Variants in BRIP1 observed in about 807,000 individuals in gnomAD.
BRIP1 encodes Fanconi anemia group J protein.
In BRIP1, 88 loss-of-function variants were observed where a neutral mutation model predicts 119.7. The ratio of observed to expected loss-of-function variants is 0.74; its 90% CI spans 0.62 to 0.88. The LOEUF is 0.88. Ranked by LOEUF, BRIP1 falls within the 40% of genes least tolerant of loss-of-function variation. The pLI, the probability that BRIP1 is intolerant of heterozygous loss-of-function variation, is 0.00. For synonymous variants in BRIP1, 443 were observed against 496.5 expected (o/e 0.89, Z 1.43); for missense variants, 1,259 against 1,455.4 (o/e 0.87, Z 2.20).
rs34014195 is a variant in BRIP1 at position 61,803,098 on chromosome 17, C to CT, written c.919-1625dup. On this transcript the variant is annotated intron_variant, in intron 7 of 19. Transcript: ENST00000259008. This position sits in a 1 kb window ranked among gnomAD's most constrained non-coding sequence, Gnocchi z 4.3. ...CTAATGCCCTTTGCCATTCTATTAC[C>CT]TTTTTTTTTTTCAGAGATGGGAGTC... 0.79 allele frequency among the ~76,000 whole-genome samples: 116,423 copies of CT among 147,786 alleles called. 46,297 individuals are homozygous for CT. The highest frequency in any genetic ancestry group is 0.89 in the African/African-American group (35,743 of 40,356).
At position 61,710,279 on chromosome 17, in the gene BRIP1, G is replaced by T. The variant is rs753152463; in HGVS notation, c.2492+5672C>A. Among the ~76,000 whole-genome samples the T allele has an allele frequency of 6.6e-6, 1 of 152,120 alleles. No homozygotes were observed. The highest frequency in any genetic ancestry group is 1.5e-5 in the Non-Finnish European group (1 of 68,028). On this transcript the variant is annotated intron_variant, in intron 17 of 19. Transcript: ENST00000259008. The surrounding 1 kb of genome is among the most constrained non-coding windows in gnomAD (Gnocchi z 5.4). ...AAGCTCTAAAAGCTCTCTGGGCAAT[G>T]TTGTATGGCAGGAAAAAGCACTGAA...
In BRIP1 at chr17:61,849,252, G is replaced by A. The variant is rs1555616231; in HGVS notation, c.384C>T (p.Ser128=). The A allele has an allele frequency of 1.2e-6, 2 of 1,611,874 alleles. No homozygotes were observed. Among genetic ancestry groups the A allele is most frequent in the South Asian group, 1.1e-5 (1 of 90,952 alleles). The change falls in exon 5 of 20, where the codon TCC becomes TCT. Residue 128 remains serine (S), a synonymous_variant. Transcript: ENST00000259008. Reference sequence around the variant, plus strand: ...TTGCAGCCAGAGTGGTTTTTTCAGGGGAGTCTTATATAAGTAATTTAAAAA... The same window carrying A: ...TTGCAGCCAGAGTGGTTTTTTCAGGAGAGTCTTATATAAGTAATTTAAAAA... ...RNGTSSTCQD[S]PEKTTLAAKL...
Position 61,790,618 on chromosome 17 carries a change from A to G in BRIP1, c.1473+2979T>C, listed in dbSNP as rs187762413. Among the ~76,000 whole-genome samples, 498 of 152,232 alleles carry G rather than the reference A, an allele frequency of 3.3e-3. 2 individuals carry two copies. The highest frequency in any genetic ancestry group is 5.2e-3 in the Non-Finnish European group (352 of 68,002). On this transcript the variant is annotated intron_variant, in intron 10 of 19. Coordinates refer to ENST00000259008, the MANE Select transcript of BRIP1 (RefSeq NM_032043.3). ...ATTTTTTATTGCTATGTAGTATTCC[A>G]CTATATGAATATGCTACAATTTATC...
intron 6 of BRIP1, 74 bp downstream of exon 6, chr17:61,847,026 CT>C: frequency 6.4e-7 from 1 of 1,570,686 alleles, no homozygotes; most frequent in Non-Finnish European, 8.7e-7. Context: ...ACTATTGTTC[CT>C]CTTTTGTCAA....
Position 61,735,731 on chromosome 17 carries a change from G to A in BRIP1, c.2379+7282C>T, listed in dbSNP as rs1475075351. ...TGGGAGGATCACCTGAGCCCGAGAG[G>A]CCAAGGCTGCAGTGACCCATGACCG... On this transcript the variant is annotated intron_variant, in intron 16 of 19. Coordinates refer to ENST00000259008, the MANE Select transcript of BRIP1 (RefSeq NM_032043.3). The surrounding 1 kb of genome is among the most constrained non-coding windows in gnomAD (Gnocchi z 4.4). 6.6e-6 allele frequency among the ~76,000 whole-genome samples: 1 copy of A among 151,792 alleles called. No homozygotes were observed. Among genetic ancestry groups the A allele is most frequent in the East Asian group, 1.9e-4 (1 of 5,148 alleles).
At position 61,816,320 on chromosome 17, in the gene BRIP1, T is replaced by C. The variant is rs2078235779; in HGVS notation, c.628-7563A>G. Among the ~76,000 whole-genome samples the C allele has an allele frequency of 2.6e-5, 4 of 152,214 alleles. No individual in the cohort carries two copies. The South Asian group carries it at 8.3e-4, about 32-fold the overall frequency. On this transcript the variant is annotated intron_variant, in intron 6 of 19. Transcript: ENST00000259008. This position sits in a 1 kb window ranked among gnomAD's most constrained non-coding sequence, Gnocchi z 5.0. ...CCTGCTCTAAAGTTCAGACTCTGAT[T>C]GTAACAGACTGCCAGTCTCCTGGAA...
rs915362881 is a variant in BRIP1, at chr17:61,680,872, C to G, written c.*2424G>C. 2.0e-5 allele frequency among the ~76,000 whole-genome samples: 3 copies of G among 152,152 alleles called. No homozygotes were observed. Among genetic ancestry groups the G allele is most frequent in the Non-Finnish European group, 4.4e-5 (3 of 68,034 alleles). ...CCAAGTTATTATGCACATATACCATCTGTGTCAGTCTGTTCTCATGCTGCT... is the reference window on the plus strand; with the variant it reads ...CCAAGTTATTATGCACATATACCATGTGTGTCAGTCTGTTCTCATGCTGCT... On this transcript the variant is annotated 3_prime_UTR_variant, in exon 20 of 20. Transcript: ENST00000259008.
chr17:61,756,528 G>C lies in BRIP1; in HGVS notation c.2098-11937C>G, dbSNP rs957841773. 6.6e-6 allele frequency among the ~76,000 whole-genome samples: 1 copy of C among 152,082 alleles called. No individual in the cohort carries two copies. The highest frequency in any genetic ancestry group is 1.5e-5 in the Non-Finnish European group (1 of 68,022). ...ATCACTTCAATTTGTTAACCTCAGA[G>C]GCAATTTTTTTTAAAGTCAGATCTC... On this transcript the variant is annotated intron_variant, in intron 14 of 19. Coordinates refer to ENST00000259008, the MANE Select transcript of BRIP1 (RefSeq NM_032043.3). This position sits in a 1 kb window ranked among gnomAD's most constrained non-coding sequence, Gnocchi z 4.3.
rs2078027305 is a variant in BRIP1 at position 61,803,536 on chromosome 17, T to C, written c.919-2062A>G. On this transcript the variant is annotated intron_variant, in intron 7 of 19. Transcript: ENST00000259008. This position sits in a 1 kb window ranked among gnomAD's most constrained non-coding sequence, Gnocchi z 4.3. ...GGGCAGCACAGGGAGACTCAATCTC[T>C]ACAAAAAAACAAAAAAAATTAAACC... is the stretch of plus-strand genomic sequence containing the variant. 6.6e-6 allele frequency among the ~76,000 whole-genome samples: 1 copy of C among 151,630 alleles called. No individual in the cohort carries two copies. The highest frequency in any genetic ancestry group is 1.9e-4 in the East Asian group (1 of 5,144).
rs538431267 is a variant in BRIP1 at position 61,822,790 on chromosome 17, G to A, written c.628-14033C>T. On this transcript the variant is annotated intron_variant, in intron 6 of 19. Coordinates refer to ENST00000259008, the MANE Select transcript of BRIP1 (RefSeq NM_032043.3). This position sits in a 1 kb window ranked among gnomAD's most constrained non-coding sequence, Gnocchi z 4.4. ...GTTTAAAAAAAAAAAGGCCCTGTAT[G>A]ACTAATATGGGGACCAACAAGTTTT... Among the ~76,000 whole-genome samples, 10 of 152,234 alleles carry A rather than the reference G, an allele frequency of 6.6e-5. No individual in the cohort carries two copies. Among genetic ancestry groups the A allele is most frequent in the Non-Finnish European group, 1.5e-4 (10 of 68,006 alleles).
Position 61,814,175 on chromosome 17 carries a change from T to C in BRIP1, c.628-5418A>G, listed in dbSNP as rs1295094375. On this transcript the variant is annotated intron_variant, in intron 6 of 19. Coordinates refer to ENST00000259008, the MANE Select transcript of BRIP1 (RefSeq NM_032043.3). The surrounding 1 kb of genome is among the most constrained non-coding windows in gnomAD (Gnocchi z 4.9). ...TGGTCTCTTCTTCCATAGGAAGATA[T>C]CTTTTATGATCGAAATGTAGAGAAG... Among the ~76,000 whole-genome samples the C allele has an allele frequency of 6.6e-6, 1 of 152,086 alleles. No homozygotes were observed. Among genetic ancestry groups the C allele is most frequent in the East Asian group, 1.9e-4 (1 of 5,204 alleles).
chr17:61,746,936 A>T lies in BRIP1; in HGVS notation c.2098-2345T>A, dbSNP rs2077065998. Among the ~76,000 whole-genome samples, 1 of 152,210 alleles carries T rather than the reference A, an allele frequency of 6.6e-6. No homozygotes were observed. The highest frequency in any genetic ancestry group is 6.5e-5 in the Admixed American group (1 of 15,290). On this transcript the variant is annotated intron_variant, in intron 14 of 19. Coordinates refer to ENST00000259008, the MANE Select transcript of BRIP1 (RefSeq NM_032043.3). The surrounding 1 kb of genome is among the most constrained non-coding windows in gnomAD (Gnocchi z 4.9). The stretch of plus-strand genomic sequence containing the variant: ...CTCTAGGACAGATCATGTGTTAGGT[A>T]ACAAAGCAAGTCTTAACAAATGTAA...
intron 11 of BRIP1, among the ~76,000 whole-genome samples, chr17:61,782,619 G>A (rs148680981): frequency 2.0e-5 from 3 of 152,056 alleles, no homozygotes; most frequent in African/African-American, 4.8e-5. Flanking sequence ...TCTCTTACAG[G>A]ACTGACATCC....
chr17:61,830,437 CA>C (rs1002456190), intron 6 of BRIP1, among the ~76,000 whole-genome samples: 6 of 143,586 alleles, frequency 4.2e-5, no homozygotes, highest in East Asian at 2.0e-4. Context: ...CTAGATTAAG[CA>C]AAAAAAAGGA....
rs1243611120 is a variant in BRIP1, at chr17:61,787,425, TA to T, written c.1474-3002del. Among the ~76,000 whole-genome samples, 116 of 132,440 alleles carry T rather than the reference TA, an allele frequency of 8.8e-4. 1 individual carries two copies. Among genetic ancestry groups the T allele is most frequent in the Middle Eastern group, 4.1e-3 (1 of 244 alleles). The allele number at this position is 132,440 out of a possible 152,430, so 86.9% of individuals were successfully genotyped here. A position where few individuals can be genotyped will look rare whatever the true frequency, so the allele number is the denominator to read the frequency against. On this transcript the variant is annotated intron_variant, in intron 10 of 19. Transcript: ENST00000259008. Reference sequence around the variant, plus strand: ...TTATATAAAATATTTATATAAAATATATAATATATATACTATATATTATATA... The same window carrying T: ...TTATATAAAATATTTATATAAAATATTAATATATATACTATATATTATATA...
rs767308637 is a variant in BRIP1 at position 61,704,896 on chromosome 17, T to G, written c.2492+11055A>C. Among the ~76,000 whole-genome samples, 1 of 152,194 alleles carries G rather than the reference T, an allele frequency of 6.6e-6. No individual in the cohort carries two copies. The highest frequency in any genetic ancestry group is 1.5e-5 in the Non-Finnish European group (1 of 68,028). On this transcript the variant is annotated intron_variant, in intron 17 of 19. Transcript: ENST00000259008. The surrounding 1 kb of genome is among the most constrained non-coding windows in gnomAD (Gnocchi z 5.7). ...TAATTTTGCTAGAGGTTTATCAATTTTATTGATCTTTTCAAAGAGTCTATT... is the reference window on the plus strand; with the variant it reads ...TAATTTTGCTAGAGGTTTATCAATTGTATTGATCTTTTCAAAGAGTCTATT...
In BRIP1 at chr17:61,744,517, A is replaced by T. The variant is rs777860588; in HGVS notation, c.2172T>A (p.Ile724=). 6.2e-7 allele frequency: 1 copy of T among 1,613,754 alleles called. No individual in the cohort carries two copies. Among genetic ancestry groups the T allele is most frequent in the African/African-American group, 1.3e-5 (1 of 74,918 alleles). The change falls in exon 15 of 20, where the codon ATT becomes ATA. Residue 724 remains isoleucine (I), a synonymous_variant. Transcript: ENST00000259008. The surrounding 1 kb of genome is among the most constrained non-coding windows in gnomAD (Gnocchi z 5.0). ...WHNLELVKTV[I]VEPQGGEKTN... ...TTTTTTCTCCTCCCTGTGGTTCTAC[A>T]ATGACTGTCTTCACCAACTCCAGAT...
rs928888573 is a variant in BRIP1, at chr17:61,809,115, G to A, written c.628-358C>T. 6.6e-6 allele frequency among the ~76,000 whole-genome samples: 1 copy of A among 151,990 alleles called. No homozygotes were observed. The highest frequency in any genetic ancestry group is 1.5e-5 in the Non-Finnish European group (1 of 67,990). On this transcript the variant is annotated intron_variant, in intron 6 of 19. Coordinates refer to ENST00000259008, the MANE Select transcript of BRIP1 (RefSeq NM_032043.3). The surrounding 1 kb of genome is among the most constrained non-coding windows in gnomAD (Gnocchi z 5.2). Reference sequence around the variant, plus strand: ...TTTAATTTTTTCTTAGGCTTCATACGAACTTGTGATATTATAGTTTAGAGT... The same window carrying A: ...TTTAATTTTTTCTTAGGCTTCATACAAACTTGTGATATTATAGTTTAGAGT...
intron 11 of BRIP1, 93 bp from the exon 12 acceptor site, chr17:61,781,098 A>C: frequency 9.2e-6 from 11 of 1,200,716 alleles, no homozygotes; most frequent in Non-Finnish European, 1.2e-5. Context: ...ATTAAAACTC[A>C]TTTGAAAGAG....
Sources: allele counts gnomAD v4.1 joint callset (sites outside exome capture counted in the v4.1 genomes callset), GRCh38; gene constraint gnomAD v4.1.1; non-coding constraint Gnocchi (gnomAD v3.1); transcripts MANE v1.5; gene names NCBI Gene and HGNC (gene_info 2026-07-23, HGNC 2026-07-21).